Variants in ANKS1B observed in about 807,000 individuals in gnomAD.
ANKS1B encodes the protein ankyrin repeat and sterile alpha motif domain containing 1B.
A neutral mutation model predicts 148.3 loss-of-function variants in ANKS1B; 36 were observed. The observed-to-expected ratio is 0.24, with a 90% CI of 0.19 to 0.32. The LOEUF (loss-of-function observed/expected upper bound fraction) is 0.32, where lower values mean the gene tolerates loss of function less well. Among genes scored for constraint, ANKS1B ranks in the 10% least tolerant of loss-of-function variants. ANKS1B has a pLI of 1.00. For missense variants in ANKS1B, 1,157 were observed against 1,542.6 expected (o/e 0.75, Z 4.19); for synonymous variants, 542 against 560.8 (o/e 0.97, Z 0.47).
chr12:99,946,695 G>C (rs1459616193), intron 1 of ANKS1B, among the ~76,000 whole-genome samples: 1 of 152,166 alleles, frequency 6.6e-6, no homozygotes, highest in African/African-American at 2.4e-5. Flanking sequence ...TTGGCTAACA[G>C]AATGAGCTGG....
intron 11 of ANKS1B, among the ~76,000 whole-genome samples, chr12:99,401,931 G>T (rs1288199181): frequency 1.4e-5 from 2 of 146,586 alleles, no homozygotes; most frequent in Admixed American, 6.8e-5. Context: ...TGCACCCATT[G>T]CTCCCTCATT....
At chr12:99,773,330 T>C (rs1427976076) in intron 7 of ANKS1B, among the ~76,000 whole-genome samples, 1 of 152,154 alleles carries the variant, frequency 6.6e-6, no homozygotes, top group African/African-American at 2.4e-5. Flanking sequence ...TATTGTAAGG[T>C]TATGTATACA....
At chr12:98,996,404 G>C (rs1244992135) in intron 17 of ANKS1B, among the ~76,000 whole-genome samples, 2 of 152,060 alleles carry the variant, frequency 1.3e-5, no homozygotes, top group African/African-American at 4.8e-5. Flanking sequence ...TAGTGTCTGA[G>C]TGTTCCCAGC....
chr12:98,996,189 C>T (rs2099929452), intron 17 of ANKS1B, among the ~76,000 whole-genome samples: 1 of 152,028 alleles, frequency 6.6e-6, no homozygotes, highest in Non-Finnish European at 1.5e-5. Context: ...AAAGAAAGAC[C>T]TGAAAGGGTC....
intron 11 of ANKS1B, among the ~76,000 whole-genome samples, chr12:99,406,265 G>C (rs562910931): frequency 6.9e-6 from 1 of 145,532 alleles, no homozygotes; most frequent in African/African-American, 2.6e-5. Context: ...TAGACCATTT[G>C]TTAGGTCACG....
intron 8 of ANKS1B, among the ~76,000 whole-genome samples, chr12:99,742,574 C>A (rs1055041219): frequency 1.3e-4 from 20 of 151,454 alleles, no homozygotes; most frequent in Admixed American, 7.2e-4. Flanking sequence ...GTGAATCACG[C>A]CTGTAATCCC....
chr12:99,957,028 C>T (rs1215534877), intron 1 of ANKS1B, among the ~76,000 whole-genome samples: 1 of 152,198 alleles, frequency 6.6e-6, no homozygotes, highest in Admixed American at 6.5e-5. Flanking sequence ...TGAACCCAAG[C>T]TCTATCAGGT....
At chr12:99,302,145 A>G (rs188811290) in intron 12 of ANKS1B, among the ~76,000 whole-genome samples, 150 of 152,292 alleles carry the variant, frequency 9.8e-4, no homozygotes, top group African/African-American at 3.6e-3. Context: ...GGATAACAGT[A>G]CTGATTTAGT....
intron 1 of ANKS1B, 47 bp from the exon 2 acceptor site, chr12:99,825,436 GC>G (rs1244098539): frequency 2.1e-5 from 31 of 1,488,400 alleles, no homozygotes; most frequent in Non-Finnish European, 2.8e-5. Flanking sequence ...GCCAGATCTT[GC>G]CTTGAAAAAC....
intron 24 of ANKS1B, 75 bp from the exon 25 acceptor site, chr12:98,773,254 A>G (rs2153480281): frequency 6.7e-7 from 1 of 1,496,836 alleles, no homozygotes; most frequent in Non-Finnish European, 8.9e-7. Context: ...CAAGTAACCC[A>G]GGAAGCAGTT....
chr12:99,919,827 T>C (rs1447206739), intron 1 of ANKS1B, among the ~76,000 whole-genome samples: 27 of 146,100 alleles, frequency 1.8e-4, no homozygotes. Context: ...TGAAAAAATA[T>C]ATAAAATATC....
chr12:99,626,846 G>A (rs763762351), intron 9 of ANKS1B, among the ~76,000 whole-genome samples: 3 of 152,128 alleles, frequency 2.0e-5, no homozygotes, highest in Non-Finnish European at 4.4e-5. Context: ...GAGGTCAGGT[G>A]TATTATGATC....
At chr12:99,885,257 C>T (rs1213078983) in intron 1 of ANKS1B, among the ~76,000 whole-genome samples, 1 of 151,476 alleles carries the variant, frequency 6.6e-6, no homozygotes, top group Non-Finnish European at 1.5e-5. Flanking sequence ...ATCAGGGCCT[C>T]AGCTATGCCT....
chr12:99,410,408 G>A (rs367674490), intron 11 of ANKS1B, among the ~76,000 whole-genome samples: 48 of 152,232 alleles, frequency 3.2e-4, no homozygotes, highest in African/African-American at 1.1e-3. Flanking sequence ...AGTGGTTCAC[G>A]CCTGTAATCC....
At chr12:98,770,404 T>C (rs1335089523) in intron 25 of ANKS1B, among the ~76,000 whole-genome samples, 1 of 152,224 alleles carries the variant, frequency 6.6e-6, no homozygotes, top group African/African-American at 2.4e-5. Context: ...TTTACAAGAA[T>C]TGCAAGTTAT....
intron 9 of ANKS1B, among the ~76,000 whole-genome samples, chr12:99,581,859 C>T (rs974537403): frequency 2.7e-5 from 4 of 149,482 alleles, no homozygotes; most frequent in African/African-American, 9.9e-5. Context: ...CCACTGCAGT[C>T]CGCAGTCCAG....
intron 8 of ANKS1B, among the ~76,000 whole-genome samples, chr12:99,750,782 A>G (rs1252116543): frequency 6.6e-6 from 1 of 152,108 alleles, no homozygotes; most frequent in Non-Finnish European, 1.5e-5. Context: ...AAAAGGGCAG[A>G]GTCAATAGAT....
chr12:99,448,184 T>C (rs1037604848), intron 10 of ANKS1B, among the ~76,000 whole-genome samples: 1 of 152,086 alleles, frequency 6.6e-6, no homozygotes, highest in Non-Finnish European at 1.5e-5. Context: ...AGCCAAGACA[T>C]GGAATTAACT....
At chr12:99,943,714 C>T (rs183279247) in intron 1 of ANKS1B, among the ~76,000 whole-genome samples, 8 of 151,934 alleles carry the variant, frequency 5.3e-5, no homozygotes, top group Admixed American at 3.9e-4. Flanking sequence ...CCACAACATG[C>T]GGGGATTATG....
Sources: gnomAD v4.1 joint callset for allele counts (sites outside exome capture counted in the v4.1 genomes callset) on GRCh38, gnomAD v4.1.1 for gene constraint, MANE v1.5 for transcripts, NCBI Gene and HGNC (gene_info 2026-07-23, HGNC 2026-07-21) for gene names.